The following LRRC4C variants were observed in gnomAD, a reference collection of about 807,000 sequenced individuals.
LRRC4C encodes the protein leucine rich repeat containing 4C.
LRRC4C carries 5 observed loss-of-function variants against 33.6 expected under a neutral mutation model. That is an observed-to-expected ratio of 0.15 (90% CI 0.08 to 0.31). LRRC4C has a LOEUF of 0.31. Ranked by LOEUF, LRRC4C falls within the 10% of genes least tolerant of loss-of-function variation. LRRC4C has a pLI of 1.00. For missense variants in LRRC4C, 560 were observed against 796.7 expected (o/e 0.70, Z 3.58); for synonymous variants, 329 against 302.0 (o/e 1.09, Z -0.93).
chr11:40,478,884 A>C (rs925136483), intron 3 of LRRC4C, among the ~76,000 whole-genome samples: 1 of 152,186 alleles, frequency 6.6e-6, no homozygotes, highest in African/African-American at 2.4e-5. Flanking sequence ...AATACTAATA[A>C]AGCTTTGGAA....
intron 2 of LRRC4C, among the ~76,000 whole-genome samples, chr11:40,887,834 C>T (rs1403704305): frequency 6.6e-6 from 1 of 151,942 alleles, no homozygotes; most frequent in Non-Finnish European, 1.5e-5. Context: ...GCTTTGTTTG[C>T]ATTCTATATC....
intron 1 of LRRC4C, among the ~76,000 whole-genome samples, chr11:41,047,283 A>G (rs116905045): frequency 0.045 from 6,869 of 152,212 alleles, 173 homozygotes; most frequent in Middle Eastern, 0.078. Flanking sequence ...AAAAATTCCA[A>G]TCAAAACCAC....
intron 5 of LRRC4C, among the ~76,000 whole-genome samples, chr11:40,145,378 A>G (rs931699527): frequency 1.3e-5 from 2 of 152,200 alleles, no homozygotes; most frequent in Non-Finnish European, 2.9e-5. Flanking sequence ...TCAAATTTCT[A>G]GGATCTATGG....
intron 1 of LRRC4C, among the ~76,000 whole-genome samples, chr11:40,975,366 C>T (rs187431756): frequency 5.9e-5 from 9 of 152,274 alleles, no homozygotes; most frequent in Admixed American, 3.9e-4. Flanking sequence ...TAGATAGACC[C>T]TATTGGTTCT....
At chr11:40,362,942 G>A (rs796993452) in intron 3 of LRRC4C, among the ~76,000 whole-genome samples, 4 of 152,240 alleles carry the variant, frequency 2.6e-5, no homozygotes, top group African/African-American at 9.6e-5. Flanking sequence ...GTAAAGAAAA[G>A]GGAACACTTA....
At chr11:41,380,844 C>T (rs576729653) in intron 1 of LRRC4C, among the ~76,000 whole-genome samples, 2 of 152,256 alleles carry the variant, frequency 1.3e-5, no homozygotes, top group African/African-American at 4.8e-5. Flanking sequence ...CTCTCTTTCT[C>T]TCTGCAAAAG....
At chr11:40,522,261 C>T (rs912731325) in intron 3 of LRRC4C, among the ~76,000 whole-genome samples, 1 of 152,182 alleles carries the variant, frequency 6.6e-6, no homozygotes, top group South Asian at 2.1e-4. Flanking sequence ...AACTTTTGAC[C>T]TCAGGCGATC....
chr11:40,254,616 A>T (rs890137195), intron 4 of LRRC4C, among the ~76,000 whole-genome samples: 1 of 152,244 alleles, frequency 6.6e-6, no homozygotes, highest in African/African-American at 2.4e-5. Context: ...GCATATGTGT[A>T]TGTTCCTATA....
intron 1 of LRRC4C, among the ~76,000 whole-genome samples, chr11:41,059,553 CT>C (rs1858912153): frequency 6.6e-6 from 1 of 152,172 alleles, no homozygotes; most frequent in Admixed American, 6.5e-5. Flanking sequence ...GTTTCTTCTT[CT>C]TTTTATTTTG....
intron 5 of LRRC4C, among the ~76,000 whole-genome samples, chr11:40,211,518 C>A (rs1863606264): frequency 6.6e-6 from 1 of 152,122 alleles, no homozygotes; most frequent in Admixed American, 6.5e-5. Context: ...TAAGGAAAAT[C>A]ATCAAAGTAC....
In LRRC4C at chr11:40,694,396, T is replaced by C. The variant is rs531861453; in HGVS notation, c.-406-46118A>G. Reference sequence around the variant, plus strand: ...GTGGAAATCATCTGGCACATTTTCATCACTTTCTTTTATTGAGTTTTATAA... The same window carrying C: ...GTGGAAATCATCTGGCACATTTTCACCACTTTCTTTTATTGAGTTTTATAA... On this transcript the variant is annotated intron_variant, in intron 2 of 6. Coordinates refer to ENST00000528697, the MANE Select transcript of LRRC4C (RefSeq NM_001258419.2). Among the ~76,000 whole-genome samples, 6 of 152,322 alleles carry C rather than the reference T, an allele frequency of 3.9e-5. No homozygotes were observed. In the East Asian group the frequency reaches 1.2e-3, roughly 29 times the overall value.
rs117365799 is a variant in LRRC4C, at chr11:41,286,912, G to C, written c.-496+172519C>G. 2.9e-3 allele frequency among the ~76,000 whole-genome samples: 443 copies of C among 152,136 alleles called. 7 individuals carry two copies. Among genetic ancestry groups the C allele is most frequent in the East Asian group, 0.019 (96 of 5,156 alleles). On this transcript the variant is annotated intron_variant, in intron 1 of 6. Transcript: ENST00000528697. ...TCTTTTCCTTAACAAAGAAAAACTG[G>C]AAATGACCACATCAGTTAGGAACTC...
chr11:41,110,616 A>G (rs1941773702), intron 1 of LRRC4C, among the ~76,000 whole-genome samples: 1 of 152,088 alleles, frequency 6.6e-6, no homozygotes, highest in South Asian at 2.1e-4. Context: ...CACATGAATA[A>G]TATTGTGCTG....
At chr11:41,017,144 A>G (rs1345610336) in intron 1 of LRRC4C, among the ~76,000 whole-genome samples, 1 of 152,206 alleles carries the variant, frequency 6.6e-6, no homozygotes, top group African/African-American at 2.4e-5. Flanking sequence ...AAATAAAATT[A>G]TTTCACAAGT....
chr11:40,209,733 T>C (rs1863440428), intron 5 of LRRC4C, among the ~76,000 whole-genome samples: 1 of 152,178 alleles, frequency 6.6e-6, no homozygotes, highest in Non-Finnish European at 1.5e-5. Flanking sequence ...GGCACTTTGC[T>C]GGATATGAGA....
chr11:40,128,304 CT>C (rs1856407801), intron 6 of LRRC4C, among the ~76,000 whole-genome samples: 5 of 152,308 alleles, frequency 3.3e-5, no homozygotes, highest in Admixed American at 3.3e-4. Flanking sequence ...TTGTTAAACT[CT>C]TCTTTGACTT....
At chr11:41,242,095 A>C (rs551012680) in intron 1 of LRRC4C, among the ~76,000 whole-genome samples, 11 of 152,244 alleles carry the variant, frequency 7.2e-5, no homozygotes, top group Admixed American at 3.9e-4. Context: ...TAACTCTCTA[A>C]CATATAGTAT....
chr11:40,355,523 T>C (rs1049488639), intron 3 of LRRC4C, among the ~76,000 whole-genome samples: 2 of 152,174 alleles, frequency 1.3e-5, no homozygotes, highest in African/African-American at 4.8e-5. Flanking sequence ...AATTCCCTTC[T>C]GGGTAGCACT....
At chr11:41,411,273 C>T (rs533265511) in intron 1 of LRRC4C, among the ~76,000 whole-genome samples, 9 of 150,678 alleles carry the variant, frequency 6.0e-5, no homozygotes, top group Middle Eastern at 3.4e-3. Flanking sequence ...CTCAGCCTCC[C>T]GAGCAGCTGG....
Sources: allele counts gnomAD v4.1 joint callset (sites outside exome capture counted in the v4.1 genomes callset), GRCh38; gene constraint gnomAD v4.1.1; transcripts MANE v1.5; gene names NCBI Gene and HGNC (gene_info 2026-07-23, HGNC 2026-07-21).